SMC6: variants seen among roughly 807,000 people sequenced by gnomAD.
SMC6 encodes structural maintenance of chromosomes 6.
Under a neutral mutation model 142.2 loss-of-function variants are expected in SMC6, and 79 were observed. That is an observed-to-expected ratio of 0.56 (90% CI 0.46 to 0.67). SMC6 has a LOEUF of 0.67. SMC6 is among the 30% of genes least tolerant of loss of function. The pLI is 0.00. For missense variants in SMC6, 1,072 were observed against 1,284.0 expected (o/e 0.83, Z 2.52); for synonymous variants, 411 against 412.4 (o/e 1.00, Z 0.04).
At chr2:17,694,000 C>CAAA (rs751816590) in intron 23 of SMC6, among the ~76,000 whole-genome samples, 28 of 34,414 alleles carry the variant, frequency 8.1e-4, no homozygotes, top group Middle Eastern at 0.013. Context: ...AACTCCATCT[C>CAAA]AAAAAAAAAA....
At chr2:17,697,925 G>A (rs1054701072) in intron 21 of SMC6, among the ~76,000 whole-genome samples, 5 of 152,050 alleles carry the variant, frequency 3.3e-5, no homozygotes, top group African/African-American at 1.2e-4. Flanking sequence ...ATCAATTGAT[G>A]AATGCATAAA....
chr2:17,752,797 AAGTC>A (rs2125103214), intron 2 of SMC6, among the ~76,000 whole-genome samples, 177 bp downstream of exon 2: 1 of 152,266 alleles, frequency 6.6e-6, no homozygotes, highest in Non-Finnish European at 1.5e-5. Flanking sequence ...AACCATATAA[AAGTC>A]AGGAGATTTG....
At chr2:17,685,276 TAAATC>T (rs1667401690) in intron 23 of SMC6, among the ~76,000 whole-genome samples, 2 of 152,010 alleles carry the variant, frequency 1.3e-5, no homozygotes, top group South Asian at 2.1e-4. Context: ...CTAAAAGACT[TAAATC>T]TAAATATTGA....
At position 17,666,535 on chromosome 2, in the gene SMC6, AAG is replaced by A; in HGVS notation, c.3064-20_3064-19del. On this transcript the variant is annotated intron_variant, in intron 26 of 27. Transcript: ENST00000448223. Reference sequence around the variant, plus strand: ...ACCATATCCTGAAAAACAAAGGCAAAAGTTAGGATTGCTATTGTGTAAGTCAC... The same window carrying A: ...ACCATATCCTGAAAAACAAAGGCAAATTAGGATTGCTATTGTGTAAGTCAC... The A allele has an allele frequency of 1.9e-6, 3 of 1,568,734 alleles. No individual in the cohort carries two copies. In the South Asian group the frequency reaches 3.3e-5, roughly 17 times the overall value.
intron 16 of SMC6, chr2:17,713,235 G>A (rs1431660096): frequency 3.3e-6 from 1 of 303,632 alleles, no homozygotes; most frequent in Non-Finnish European, 6.5e-6. Context: ...AACATTATTA[G>A]TGAAAAATCC....
chr2:17,677,226 C>A (rs1468887341), intron 25 of SMC6, among the ~76,000 whole-genome samples: 1 of 152,006 alleles, frequency 6.6e-6, no homozygotes, highest in Non-Finnish European at 1.5e-5. Context: ...TAAAGAGGGG[C>A]CCCCTTTCCT....
chr2:17,669,390 C>T (rs781639292), intron 26 of SMC6, among the ~76,000 whole-genome samples: 4 of 151,962 alleles, frequency 2.6e-5, no homozygotes, highest in African/African-American at 4.8e-5. Context: ...TCTGTCCATA[C>T]GCAGGTAGTA....
At chr2:17,728,884 G>A (rs1669762136) in intron 7 of SMC6, among the ~76,000 whole-genome samples, 1 of 152,026 alleles carries the variant, frequency 6.6e-6, no homozygotes, top group South Asian at 2.1e-4. Flanking sequence ...GAGTAGCTGG[G>A]GCTAAAGGCA....
intron 3 of SMC6, among the ~76,000 whole-genome samples, chr2:17,745,427 T>C (rs935839919): frequency 1.3e-5 from 2 of 152,208 alleles, no homozygotes; most frequent in African/African-American, 4.8e-5. Flanking sequence ...TGTGGTAATT[T>C]TTCCTTTTTG....
In SMC6 at chr2:17,678,960, A is replaced by G; in HGVS notation, c.2809T>C (p.Leu937=). The G allele has an allele frequency of 6.2e-7, 1 of 1,607,282 alleles. No individual in the cohort carries two copies. Among genetic ancestry groups the G allele is most frequent in the African/African-American group, 1.3e-5 (1 of 74,778 alleles). ...FKTYQQFRRC[L]TLRCKLYFDN... ...AAGTATAATTTGCATCGTAAAGTCA[A>G]ACACCTTGAAATTTAAAAATTAGGC... The change falls in exon 25 of 28, where the codon TTG becomes CTG. Residue 937 remains leucine, a synonymous_variant. Transcript: ENST00000448223.
At chr2:17,746,987 C>A (rs982550674) in intron 2 of SMC6, among the ~76,000 whole-genome samples, 4 of 152,176 alleles carry the variant, frequency 2.6e-5, no homozygotes, top group African/African-American at 9.7e-5. Flanking sequence ...CCTACCCATG[C>A]AAGCAAAATC....
At chr2:17,669,240 G>C (rs1250315762) in intron 26 of SMC6, among the ~76,000 whole-genome samples, 1 of 152,192 alleles carries the variant, frequency 6.6e-6, no homozygotes, top group African/African-American at 2.4e-5. Context: ...AAGAGGCTTT[G>C]AGATGAAGGC....
At chr2:17,692,209 A>G (rs1481789263) in intron 23 of SMC6, among the ~76,000 whole-genome samples, 1 of 152,200 alleles carries the variant, frequency 6.6e-6, no homozygotes, top group Non-Finnish European at 1.5e-5. Flanking sequence ...AAGCTACTTT[A>G]AAGTTCATAT....
At chr2:17,748,212 T>A (rs1444479025) in intron 2 of SMC6, among the ~76,000 whole-genome samples, 5 of 152,182 alleles carry the variant, frequency 3.3e-5, no homozygotes, top group Non-Finnish European at 7.3e-5. Context: ...TGGGAAGATA[T>A]CCACCTATCA....
At chr2:17,744,555 C>T (rs548559884) in intron 3 of SMC6, among the ~76,000 whole-genome samples, 19 of 152,228 alleles carry the variant, frequency 1.2e-4, no homozygotes, top group African/African-American at 4.6e-4. Flanking sequence ...TTTTTCCTTT[C>T]CAAACTCTAT....
chr2:17,739,583 T>C (rs1670324756), intron 4 of SMC6, among the ~76,000 whole-genome samples: 1 of 151,974 alleles, frequency 6.6e-6, no homozygotes, highest in Non-Finnish European at 1.5e-5. Context: ...AGGTAGAGGT[T>C]ATAGTGAGCC....
chr2:17,746,968 C>A (rs776259880), intron 2 of SMC6, among the ~76,000 whole-genome samples: 8 of 152,142 alleles, frequency 5.3e-5, no homozygotes, highest in Non-Finnish European at 1.2e-4. Context: ...CATGTATATA[C>A]CTGGCTCCCC....
chr2:17,717,496 C>T (rs1054326100), intron 12 of SMC6, among the ~76,000 whole-genome samples: 2 of 151,610 alleles, frequency 1.3e-5, no homozygotes. Context: ...ATGGTGAAAC[C>T]CCGTCTCTAC....
At chr2:17,693,200 G>T (rs1367552988) in intron 23 of SMC6, among the ~76,000 whole-genome samples, 1 of 152,086 alleles carries the variant, frequency 6.6e-6, no homozygotes, top group Non-Finnish European at 1.5e-5. Flanking sequence ...CCCATTACTG[G>T]GTGTATACTC....
Sources: allele counts gnomAD v4.1 joint callset (sites outside exome capture counted in the v4.1 genomes callset), GRCh38; gene constraint gnomAD v4.1.1; transcripts MANE v1.5; gene names NCBI Gene and HGNC (gene_info 2026-07-23, HGNC 2026-07-21).